Variants in MBOAT2 observed in about 807,000 individuals in gnomAD.
The protein encoded by MBOAT2 is membrane bound glycerophospholipid O-acyltransferase 2.
In MBOAT2, 28 loss-of-function variants were observed where a neutral mutation model predicts 63.4. That is an observed-to-expected ratio of 0.44 (90% CI 0.33 to 0.61). The LOEUF is 0.61. MBOAT2 is among the 20% of genes least tolerant of loss of function. The pLI, the probability that MBOAT2 is intolerant of heterozygous loss-of-function variation, is 0.03. For missense variants in MBOAT2, 470 were observed against 605.8 expected (o/e 0.78, Z 2.35); for synonymous variants, 211 against 215.6 (o/e 0.98, Z 0.19).
chr2:8,901,855 G>T (rs1207364103), intron 4 of MBOAT2, among the ~76,000 whole-genome samples: 1 of 152,222 alleles, frequency 6.6e-6, no homozygotes, highest in Non-Finnish European at 1.5e-5. Flanking sequence ...ACAGGGAGTG[G>T]TTTTTAGAAG....
At chr2:8,907,239 G>A (rs893229698) in intron 4 of MBOAT2, among the ~76,000 whole-genome samples, 6 of 152,080 alleles carry the variant, frequency 3.9e-5, no homozygotes, top group Non-Finnish European at 5.9e-5. Context: ...CTCCATTTGT[G>A]TTGTCTGTTA....
chr2:8,881,489 C>T (rs1247726357), intron 6 of MBOAT2, among the ~76,000 whole-genome samples: 1 of 152,096 alleles, frequency 6.6e-6, no homozygotes, highest in African/African-American at 2.4e-5. Context: ...TGTTTTTCTA[C>T]TCAGCATTCT....
At chr2:8,970,548 C>T (rs940491134) in intron 1 of MBOAT2, among the ~76,000 whole-genome samples, 2 of 152,076 alleles carry the variant, frequency 1.3e-5, no homozygotes, top group Non-Finnish European at 2.9e-5. Context: ...GATAGAGACA[C>T]AAACAACCCT....
At chr2:8,883,583 A>G (rs1663310651) in intron 5 of MBOAT2, among the ~76,000 whole-genome samples, 1 of 152,246 alleles carries the variant, frequency 6.6e-6, no homozygotes, top group Non-Finnish European at 1.5e-5. Context: ...GACGAAAAAC[A>G]AACTCCCTGC....
chr2:8,877,517 T>C (rs1043319806), intron 6 of MBOAT2, among the ~76,000 whole-genome samples: 4 of 152,224 alleles, frequency 2.6e-5, no homozygotes, highest in African/African-American at 4.8e-5. Context: ...GGCAATCATT[T>C]GCTCTTCTAA....
chr2:8,918,926 T>C (rs1666379930), intron 3 of MBOAT2, among the ~76,000 whole-genome samples: 1 of 152,210 alleles, frequency 6.6e-6, no homozygotes, highest in East Asian at 1.9e-4. Flanking sequence ...AATTGTACCC[T>C]CAACCCTAGG....
chr2:8,872,175 G>A (rs1478366327), intron 8 of MBOAT2, among the ~76,000 whole-genome samples: 2 of 152,198 alleles, frequency 1.3e-5, no homozygotes, highest in African/African-American at 4.8e-5. Flanking sequence ...GCCACGCAAA[G>A]CGAGGTACCT....
At chr2:8,867,678 C>T (rs1661999826) in intron 9 of MBOAT2, among the ~76,000 whole-genome samples, 1 of 152,304 alleles carries the variant, frequency 6.6e-6, no homozygotes, top group East Asian at 1.9e-4. Flanking sequence ...CAATTTATCA[C>T]CAAATTCTGT....
chr2:8,966,839 G>C (rs1435189909), intron 1 of MBOAT2, among the ~76,000 whole-genome samples: 3 of 152,168 alleles, frequency 2.0e-5, no homozygotes, highest in Admixed American at 1.3e-4. Context: ...CCATGACAGA[G>C]CACTCCAATA....
intron 1 of MBOAT2, among the ~76,000 whole-genome samples, chr2:8,998,954 G>A (rs1220515471): frequency 6.6e-6 from 1 of 152,146 alleles, no homozygotes; most frequent in African/African-American, 2.4e-5. Context: ...AACTTTATCT[G>A]ACTTCACCAG....
intron 4 of MBOAT2, among the ~76,000 whole-genome samples, chr2:8,904,934 G>A (rs867545910): frequency 5.9e-5 from 9 of 151,862 alleles, no homozygotes; most frequent in Non-Finnish European, 1.2e-4. Flanking sequence ...TATGTATTAT[G>A]GTATAAGTTT....
At chr2:8,896,819 C>T (rs535786041) in intron 4 of MBOAT2, among the ~76,000 whole-genome samples, 3 of 152,280 alleles carry the variant, frequency 2.0e-5, no homozygotes, top group South Asian at 2.1e-4. Flanking sequence ...TTTCCTTAAT[C>T]GCCTGGGAGG....
chr2:8,864,804 G>A lies in MBOAT2; in HGVS notation c.988-570C>T, dbSNP rs559130323. 1.3e-4 allele frequency among the ~76,000 whole-genome samples: 20 copies of A among 152,158 alleles called. 1 individual carries two copies. Among genetic ancestry groups the A allele is most frequent in the African/African-American group, 4.6e-4 (19 of 41,500 alleles). ...GTTACTCCCACTAAAGCTATTCTTT[G>A]ATCTCAGAGGGGGCCTTTCATCTCC... On this transcript the variant is annotated intron_variant, in intron 9 of 12. Transcript: ENST00000305997.
intron 2 of MBOAT2, among the ~76,000 whole-genome samples, chr2:8,950,629 G>A (rs756574122): frequency 3.2e-4 from 48 of 152,090 alleles, no homozygotes; most frequent in Non-Finnish European, 6.3e-4. Context: ...GGGTTTCACC[G>A]TGTTAGCCAG....
rs1661568793 is a variant in MBOAT2 at position 8,862,526 on chromosome 2, T to A, written c.1185+64A>T. On this transcript the variant is annotated intron_variant, in intron 11 of 12. Transcript: ENST00000305997. This position sits in a 1 kb window ranked among gnomAD's most constrained non-coding sequence, Gnocchi z 4.3. The stretch of plus-strand genomic sequence containing the variant: ...GAGGGTCTACCTTGTAAGAGAGATG[T>A]ACTCAGCCTTTTTAACAGTTCAAGT... 5 of 1,544,594 alleles carry A rather than the reference T, an allele frequency of 3.2e-6. No individual in the cohort carries two copies. Among genetic ancestry groups the A allele is most frequent in the Non-Finnish European group, 4.4e-6 (5 of 1,138,100 alleles).
chr2:8,991,095 G>A (rs1671892441), intron 1 of MBOAT2, among the ~76,000 whole-genome samples: 1 of 152,070 alleles, frequency 6.6e-6, no homozygotes. Context: ...AAGGCATGCT[G>A]ACACTCACAG....
rs1044222937 is a variant in MBOAT2, at chr2:8,901,648, G to C, written c.395+6973C>G. Among the ~76,000 whole-genome samples the C allele has an allele frequency of 2.0e-5, 3 of 152,186 alleles. No homozygotes were observed. The East Asian group carries it at 5.8e-4, about 29-fold the overall frequency. On this transcript the variant is annotated intron_variant, in intron 4 of 12. Transcript: ENST00000305997. ...AATTTCTGAGGCACCCCGTATCCTA[G>C]CTTCAGGAATAGTTTTTGTTAGGCC...
intron 4 of MBOAT2, among the ~76,000 whole-genome samples, chr2:8,905,140 C>T (rs999900669): frequency 1.3e-5 from 2 of 152,170 alleles, no homozygotes; most frequent in Non-Finnish European, 2.9e-5. Context: ...CAGACCAGCT[C>T]AGCACCAAGA....
In MBOAT2 at chr2:9,003,654, C is replaced by T. The variant is rs1269162560; in HGVS notation, c.-40G>A. 23 of 1,126,596 alleles carry T rather than the reference C, an allele frequency of 2.0e-5. No homozygotes were observed. The highest frequency in any genetic ancestry group is 9.9e-5 in the Admixed American group (2 of 20,226). 69.8% of individuals were successfully genotyped at this position (1,126,596 alleles called of 1,614,324 possible). The stretch of plus-strand genomic sequence containing the variant: ...GCTCCGGCCGCCCGCGCCGCTCGCC[C>T]GCTCGCGCTGTGCCGGGCGACGACG... On this transcript the variant is annotated 5_prime_UTR_variant, in exon 1 of 13. Transcript: ENST00000305997. This position sits in a 1 kb window ranked among gnomAD's most constrained non-coding sequence, Gnocchi z 5.4.
Sources: gnomAD v4.1 joint callset for allele counts (sites outside exome capture counted in the v4.1 genomes callset) on GRCh38, gnomAD v4.1.1 for gene constraint, Gnocchi (gnomAD v3.1) non-coding constraint, MANE v1.5 for transcripts, NCBI Gene and HGNC (gene_info 2026-07-23, HGNC 2026-07-21) for gene names.